Variants in GRB2 observed in about 807,000 individuals in gnomAD.
GRB2 encodes the protein growth factor receptor bound protein 2, also known as growth factor receptor-bound protein 2.
In GRB2, 2 loss-of-function variants were observed where a neutral mutation model predicts 27.4. The ratio of observed to expected loss-of-function variants is 0.07; its 90% CI spans 0.03 to 0.23. The LOEUF is 0.23. Ranked by LOEUF, GRB2 falls within the 10% of genes least tolerant of loss-of-function variation. GRB2 has a pLI of 1.00. For missense variants in GRB2, 102 were observed against 282.4 expected (o/e 0.36, Z 4.58); for synonymous variants, 94 against 99.6 (o/e 0.94, Z 0.33).
At chr17:75,345,781 C>G (rs1413145867) in intron 2 of GRB2, among the ~76,000 whole-genome samples, 1 of 151,830 alleles carries the variant, frequency 6.6e-6, no homozygotes, top group Non-Finnish European at 1.5e-5. Context: ...AATGTGGATT[C>G]AAGCTAGTGG....
intron 2 of GRB2, among the ~76,000 whole-genome samples, chr17:75,383,353 C>G (rs901776197): frequency 6.6e-6 from 1 of 152,188 alleles, no homozygotes; most frequent in African/African-American, 2.4e-5. Context: ...AGCTCTGGGA[C>G]AGGGCTGGAA....
At chr17:75,387,240 T>C (rs528711962) in intron 2 of GRB2, among the ~76,000 whole-genome samples, 66 of 152,054 alleles carry the variant, frequency 4.3e-4, no homozygotes, top group Non-Finnish European at 9.4e-4. Flanking sequence ...GGTAGATATT[T>C]TGAGGCCAGG....
intron 5 of GRB2, among the ~76,000 whole-genome samples, chr17:75,321,169 C>CTTTTTTTTTT (rs61287852): frequency 2.5e-5 from 3 of 120,064 alleles, no homozygotes; most frequent in African/African-American, 7.5e-5. Context: ...AACAACAAAT[C>CTTTTTTTTTT]TTTTTTTTTT....
chr17:75,348,232 G>A (rs2078667150), intron 2 of GRB2, among the ~76,000 whole-genome samples: 1 of 152,160 alleles, frequency 6.6e-6, no homozygotes, highest in Non-Finnish European at 1.5e-5. Context: ...TTTTTGTGGA[G>A]GCAGGGTCTC....
At chr17:75,354,776 A>C (rs2078720346) in intron 2 of GRB2, among the ~76,000 whole-genome samples, 1 of 152,212 alleles carries the variant, frequency 6.6e-6, no homozygotes, top group Non-Finnish European at 1.5e-5. Flanking sequence ...GACACTACGA[A>C]ATGTTTTTTA....
intron 1 of GRB2, among the ~76,000 whole-genome samples, chr17:75,397,466 T>C (rs2079035567): frequency 6.6e-6 from 1 of 152,220 alleles, no homozygotes; most frequent in African/African-American, 2.4e-5. Flanking sequence ...ACAGCTTTAA[T>C]CATTCATTTC....
At chr17:75,368,535 TTTG>T (rs1198306765) in intron 2 of GRB2, among the ~76,000 whole-genome samples, 1 of 151,134 alleles carries the variant, frequency 6.6e-6, no homozygotes, top group African/African-American at 2.4e-5. Flanking sequence ...TGTTTTTTTT[TTTG>T]TTGTTTTTTT....
Position 75,347,183 on chromosome 17 carries a change from A to T in GRB2, c.79-14386T>A, listed in dbSNP as rs1025484890. On this transcript the variant is annotated intron_variant, in intron 2 of 5. Transcript: ENST00000316804. ...TGGTTTCTAGAGAAACTTCGCCCAC[A>T]CTGATAGCGGCAGGAGGCAGACAAA... 3.3e-5 allele frequency among the ~76,000 whole-genome samples: 5 copies of T among 152,254 alleles called. No individual in the cohort carries two copies. In the East Asian group the frequency reaches 9.7e-4, roughly 29 times the overall value.
At position 75,326,033 on chromosome 17, in the gene GRB2, G is replaced by C; in HGVS notation, c.177-13C>G. On this transcript the variant is annotated splice_polypyrimidine_tract_variant and intron_variant, in intron 3 of 5. Coordinates refer to ENST00000316804, the MANE Select transcript of GRB2 (RefSeq NM_002086.5). ...GCCAAAAAACCACCTAAGGAAGGAA[G>C]GCAAGCTGGTCAACATCTGCTTCCC... The C allele has an allele frequency of 1.2e-6, 2 of 1,614,004 alleles. No homozygotes were observed. The highest frequency in any genetic ancestry group is 2.2e-5 in the South Asian group (2 of 91,088).
chr17:75,352,032 C>T (rs943816820), intron 2 of GRB2, among the ~76,000 whole-genome samples: 45 of 152,188 alleles, frequency 3.0e-4, no homozygotes, highest in Non-Finnish European at 6.3e-4. Flanking sequence ...CTAAGCATCT[C>T]TAATGGAATC....
At position 75,393,727 on chromosome 17, in the gene GRB2, T is replaced by C. The variant is rs915860391; in HGVS notation, c.-99A>G. On this transcript the variant is annotated 5_prime_UTR_variant, in exon 2 of 6. Transcript: ENST00000316804. ...TCTGGGCTTAGCCTCGCCTCTCTTC[T>C]GGGACTCGCTCCGGCACTCTGGGAC... The C allele has an allele frequency of 4.6e-6, 4 of 878,584 alleles. No homozygotes were observed. The highest frequency in any genetic ancestry group is 2.4e-5 in the East Asian group (1 of 41,456). The allele number at this position is 878,584 out of a possible 1,614,324, so 54.4% of individuals were successfully genotyped here.
chr17:75,323,726 C>T (rs55652331), intron 4 of GRB2, among the ~76,000 whole-genome samples: 4,951 of 152,198 alleles, frequency 0.033, 113 homozygotes, highest in Non-Finnish European at 0.041. Context: ...CTGCTTGTTC[C>T]CCTCATCTTA....
rs117547700 is a variant in GRB2 at position 75,345,834 on chromosome 17, C to T, written c.79-13037G>A. 1.6e-4 allele frequency among the ~76,000 whole-genome samples: 24 copies of T among 152,150 alleles called. No homozygotes were observed. In the East Asian group the frequency reaches 3.7e-3, roughly 23 times the overall value. On this transcript the variant is annotated intron_variant, in intron 2 of 5. Transcript: ENST00000316804. Reference sequence around the variant, plus strand: ...AAAACACAGGGACCTAAACTAGTCTCGGGGTGGGGGCTGCCTGAGAAAGCC... The same window carrying T: ...AAAACACAGGGACCTAAACTAGTCTTGGGGTGGGGGCTGCCTGAGAAAGCC...
chr17:75,377,992 G>A (rs2145860527), intron 2 of GRB2, among the ~76,000 whole-genome samples: 1 of 152,268 alleles, frequency 6.6e-6, no homozygotes, highest in East Asian at 1.9e-4. Context: ...CAAGTCTGCT[G>A]GTGTGTCTTC....
At chr17:75,385,941 T>C (rs2078961131) in intron 2 of GRB2, among the ~76,000 whole-genome samples, 1 of 152,198 alleles carries the variant, frequency 6.6e-6, no homozygotes, top group Non-Finnish European at 1.5e-5. Context: ...TTGGCTTGTA[T>C]GGCAATTTCA....
At chr17:75,391,059 TAA>T (rs940547611) in intron 2 of GRB2, among the ~76,000 whole-genome samples, 1 of 152,194 alleles carries the variant, frequency 6.6e-6, no homozygotes, top group African/African-American at 2.4e-5. Context: ...TAACAGCTTT[TAA>T]GAAAGCATGT....
intron 1 of GRB2, among the ~76,000 whole-genome samples, chr17:75,396,608 A>C (rs1244289902): frequency 6.6e-6 from 1 of 151,864 alleles, no homozygotes; most frequent in Non-Finnish European, 1.5e-5. Flanking sequence ...GGCTGGTCTC[A>C]AACTCCTGGC....
At chr17:75,389,502 T>C (rs1447371014) in intron 2 of GRB2, among the ~76,000 whole-genome samples, 1 of 152,204 alleles carries the variant, frequency 6.6e-6, no homozygotes, top group Admixed American at 6.5e-5. Context: ...ATTTAACCTA[T>C]ATGGGCCACC....
At chr17:75,352,408 AAAC>A (rs1157684017) in intron 2 of GRB2, among the ~76,000 whole-genome samples, 1 of 152,244 alleles carries the variant, frequency 6.6e-6, no homozygotes, top group Non-Finnish European at 1.5e-5. Flanking sequence ...GTATTAACGC[AAAC>A]AACAGGCTTG....
Sources: allele counts gnomAD v4.1 joint callset (sites outside exome capture counted in the v4.1 genomes callset), GRCh38; gene constraint gnomAD v4.1.1; transcripts MANE v1.5; gene names NCBI Gene and HGNC (gene_info 2026-07-23, HGNC 2026-07-21).